The following CDH12 variants were observed in gnomAD, a reference collection of about 807,000 sequenced individuals.
CDH12 encodes cadherin-12.
CDH12 carries 41 observed loss-of-function variants against 74.1 expected under a neutral mutation model. That is an observed-to-expected ratio of 0.55 (90% CI 0.43 to 0.72). The LOEUF is 0.72. CDH12 is among the 30% of genes least tolerant of loss of function. CDH12 has a pLI of 0.00. For missense variants in CDH12, 945 were observed against 977.2 expected (o/e 0.97, Z 0.44); for synonymous variants, 399 against 355.0 (o/e 1.12, Z -1.39).
chr5:21,882,630 C>T, intron 6 of CDH12: 3 of 1,606,176 alleles, frequency 1.9e-6, no homozygotes, highest in South Asian at 1.1e-5. Context: ...AGACCAGTGT[C>T]CAGGGTACTG....
At chr5:22,227,594 G>A (rs1164726256) in intron 3 of CDH12, among the ~76,000 whole-genome samples, 1 of 152,096 alleles carries the variant, frequency 6.6e-6, no homozygotes, top group Non-Finnish European at 1.5e-5. Context: ...AAATTATCTT[G>A]CATGAGAAAC....
chr5:22,012,566 G>A (rs1346438466), intron 5 of CDH12, among the ~76,000 whole-genome samples: 1 of 152,248 alleles, frequency 6.6e-6, no homozygotes, highest in East Asian at 1.9e-4. Context: ...CTGCTAAAAT[G>A]TCCATGTGTT....
intron 4 of CDH12, among the ~76,000 whole-genome samples, chr5:22,122,294 T>C (rs532650701): frequency 2.2e-4 from 34 of 152,104 alleles, no homozygotes; most frequent in African/African-American, 7.7e-4. Context: ...TCCCAGCTAC[T>C]TGGGAGGCTG....
chr5:22,625,430 C>T (rs897773230), intron 1 of CDH12, among the ~76,000 whole-genome samples: 2 of 152,182 alleles, frequency 1.3e-5, no homozygotes, highest in Non-Finnish European at 2.9e-5. Flanking sequence ...AACCCACGAT[C>T]CCATGGACAC....
At chr5:22,144,305 C>T (rs935210268) in intron 4 of CDH12, among the ~76,000 whole-genome samples, 9 of 152,124 alleles carry the variant, frequency 5.9e-5, no homozygotes, top group Admixed American at 5.2e-4. Context: ...GTTTAAAATA[C>T]TTCCAGAAAA....
At chr5:22,224,230 C>G (rs1051866721) in intron 3 of CDH12, among the ~76,000 whole-genome samples, 3 of 152,018 alleles carry the variant, frequency 2.0e-5, no homozygotes, top group Admixed American at 1.3e-4. Flanking sequence ...TCTTTTTATA[C>G]TGTTATGTAC....
chr5:21,902,277 A>G (rs894145609), intron 6 of CDH12, among the ~76,000 whole-genome samples: 2 of 150,230 alleles, frequency 1.3e-5, no homozygotes, highest in African/African-American at 4.9e-5. Context: ...TATATATTAC[A>G]TATGTATTAT....
At chr5:22,207,353 T>C (rs1197212134) in intron 4 of CDH12, among the ~76,000 whole-genome samples, 2 of 152,072 alleles carry the variant, frequency 1.3e-5, no homozygotes, top group Admixed American at 6.6e-5. Flanking sequence ...AAAGACAAAA[T>C]AGCCAATATT....
At chr5:22,077,622 A>G (rs531107939) in intron 5 of CDH12, among the ~76,000 whole-genome samples, 3 of 152,292 alleles carry the variant, frequency 2.0e-5, no homozygotes, top group South Asian at 2.1e-4. Context: ...AATAAAATAT[A>G]ATACTTATTT....
At chr5:22,137,306 CCTTCCCAG>C (rs1333764807) in intron 4 of CDH12, among the ~76,000 whole-genome samples, 2 of 151,974 alleles carry the variant, frequency 1.3e-5, no homozygotes, top group African/African-American at 4.8e-5. Flanking sequence ...TCAGAACAGG[CCTTCCCAG>C]CTTTGTCTTA....
intron 3 of CDH12, among the ~76,000 whole-genome samples, chr5:22,220,780 G>A (rs991205967): frequency 3.3e-5 from 5 of 151,776 alleles, no homozygotes; most frequent in Non-Finnish European, 7.4e-5. Context: ...TTCTCTCACA[G>A]ATGAATTTCA....
At chr5:22,820,904 T>C (rs1438764499) in intron 1 of CDH12, among the ~76,000 whole-genome samples, 1 of 152,132 alleles carries the variant, frequency 6.6e-6, no homozygotes, top group Non-Finnish European at 1.5e-5. Flanking sequence ...ATCATCCTGA[T>C]ACCAAAGCCT....
intron 4 of CDH12, among the ~76,000 whole-genome samples, chr5:22,185,444 A>T (rs186790489): frequency 1.2e-4 from 19 of 152,232 alleles, no homozygotes; most frequent in African/African-American, 4.1e-4. Flanking sequence ...GGCATGTTAC[A>T]AAACTATTTA....
chr5:22,535,286 C>T (rs1737791028), intron 1 of CDH12, among the ~76,000 whole-genome samples: 1 of 151,664 alleles, frequency 6.6e-6, no homozygotes, highest in Non-Finnish European at 1.5e-5. Flanking sequence ...TCCCGAGTAG[C>T]TGGGACTACA....
intron 1 of CDH12, among the ~76,000 whole-genome samples, chr5:22,653,878 C>G (rs1288003314): frequency 6.6e-6 from 1 of 152,308 alleles, no homozygotes; most frequent in Non-Finnish European, 1.5e-5. Context: ...TTCTTCAAGT[C>G]TCCGAGCTTA....
chr5:22,058,322 G>A (rs1740898510), intron 5 of CDH12, among the ~76,000 whole-genome samples: 1 of 152,102 alleles, frequency 6.6e-6, no homozygotes, highest in African/African-American at 2.4e-5. Context: ...CTCCCAAAGT[G>A]CTGGGATTAC....
At chr5:22,721,900 A>G (rs1319267959) in intron 1 of CDH12, among the ~76,000 whole-genome samples, 2 of 152,040 alleles carry the variant, frequency 1.3e-5, no homozygotes, top group Admixed American at 6.6e-5. Context: ...TCCTTCTGCC[A>G]TGATTGTAAG....
intron 5 of CDH12, among the ~76,000 whole-genome samples, chr5:22,055,264 C>G (rs1225337681): frequency 2.0e-5 from 3 of 152,128 alleles, no homozygotes; most frequent in Admixed American, 1.3e-4. Flanking sequence ...CAGCTGCAAG[C>G]CACCTGAGAA....
intron 6 of CDH12, among the ~76,000 whole-genome samples, chr5:21,961,904 C>T (rs1756379013): frequency 6.6e-6 from 1 of 152,056 alleles, no homozygotes; most frequent in Non-Finnish European, 1.5e-5. Flanking sequence ...TCAGTGATGT[C>T]AGTGTTGTTA....
Sources: gnomAD v4.1 joint callset for allele counts (sites outside exome capture counted in the v4.1 genomes callset) on GRCh38, gnomAD v4.1.1 for gene constraint, MANE v1.5 for transcripts, NCBI Gene and HGNC (gene_info 2026-07-23, HGNC 2026-07-21) for gene names.